Variants in MGAT5 observed in about 807,000 individuals in gnomAD.
MGAT5 encodes alpha-1,6-mannosylglycoprotein 6-beta-N-acetylglucosaminyltransferase, also known as alpha-1,6-mannosylglycoprotein 6-beta-N-acetylglucosaminyltransferase A.
MGAT5 carries 30 observed loss-of-function variants against 94.3 expected under a neutral mutation model. The ratio of observed to expected loss-of-function variants is 0.32; its 90% confidence interval spans 0.24 to 0.43. MGAT5 has a LOEUF of 0.43. Ranked by LOEUF, MGAT5 falls within the 20% of genes least tolerant of loss-of-function variation. The pLI, the probability that MGAT5 is intolerant of heterozygous loss-of-function variation, is 1.00. For missense variants in MGAT5, 691 were observed against 905.5 expected, an observed-to-expected ratio of 0.76 and a Z score of 3.04; for synonymous variants, 310 against 322.9, an observed-to-expected ratio of 0.96 and a Z score of 0.43.
At chr2:134,283,906 A>C (rs912794476) in intron 2 of MGAT5, among the ~76,000 whole-genome samples, 1 of 151,970 alleles carries the variant, frequency 6.6e-6, no homozygotes, top group African/African-American at 2.4e-5. Context: ...GCTAGCAATT[A>C]GAGTTGAGAA....
At chr2:134,387,538 G>A (rs1682108316) in intron 10 of MGAT5, among the ~76,000 whole-genome samples, 2 of 151,420 alleles carry the variant, frequency 1.3e-5, no homozygotes, top group African/African-American at 4.9e-5. Context: ...AGGATTAGCT[G>A]GAATGAGGCA....
chr2:134,361,499 A>G lies in MGAT5; in HGVS notation c.1247-776A>G, dbSNP rs191766678. ...TGAAATGCCTTTTAAAATTATAGGC[A>G]CAAGATGCGGATGTTTGGAGAGGGT... is the stretch of plus-strand genomic sequence containing the variant. On this transcript the variant is annotated intron_variant, in intron 9 of 15. Transcript: ENST00000281923. Among the ~76,000 whole-genome samples the G allele has an allele frequency of 4.7e-3, 715 of 152,326 alleles. 6 individuals carry two copies. The highest frequency in any genetic ancestry group is 0.016 in the African/African-American group (651 of 41,572).
intron 1 of MGAT5, among the ~76,000 whole-genome samples, chr2:134,245,994 A>C (rs1682236640): frequency 6.6e-6 from 1 of 152,138 alleles, no homozygotes; most frequent in Admixed American, 6.5e-5. Flanking sequence ...ATCACTTCAA[A>C]TGTAAGAGGG....
intron 9 of MGAT5, among the ~76,000 whole-genome samples, chr2:134,352,824 T>C (rs368050974): frequency 5.7e-4 from 87 of 152,212 alleles, no homozygotes; most frequent in African/African-American, 2.0e-3. Flanking sequence ...TCCACACAAG[T>C]GGATAAAGAA....
rs757046400 is a variant in MGAT5 at position 134,254,619 on chromosome 2, A to G, written c.216A>G (p.Pro72=). 6.2e-6 allele frequency: 10 copies of G among 1,614,102 alleles called. No individual in the cohort carries two copies. The African/African-American group carries it at 8.0e-5, about 13-fold the overall frequency. ...AAAACAGGAATGTGGTGGATGGGCCATACGCTGGAGTCATGACAGCTTATG... is the reference window on the plus strand; with the variant it reads ...AAAACAGGAATGTGGTGGATGGGCCGTACGCTGGAGTCATGACAGCTTATG... ...AEENRNVVDG[P]YAGVMTAYDL... Residue 72 remains proline, a synonymous_variant, in exon 1 of 16, where the codon CCA becomes CCG. Coordinates refer to ENST00000281923, the MANE Select transcript of MGAT5 (RefSeq NM_002410.5).
chr2:134,433,181 G>A (rs7572693), intron 14 of MGAT5, among the ~76,000 whole-genome samples: 30,017 of 152,166 alleles, frequency 0.2, 4,193 homozygotes, highest in East Asian at 0.39. Flanking sequence ...CACTTAGCAT[G>A]ATGTTTTGGG....
At chr2:134,342,677 G>A (rs1688701513) in intron 7 of MGAT5, among the ~76,000 whole-genome samples, 1 of 147,942 alleles carries the variant, frequency 6.8e-6, no homozygotes, top group Non-Finnish European at 1.5e-5. Context: ...CCGAGATCAT[G>A]CCACTGCACT....
chr2:134,197,196 A>G (rs547822500), intron 1 of MGAT5, among the ~76,000 whole-genome samples: 3 of 152,168 alleles, frequency 2.0e-5, no homozygotes, highest in African/African-American at 7.2e-5. Flanking sequence ...GCCCCAATAT[A>G]CTTCAGTCAA....
At chr2:134,275,166 A>T (rs1684283236) in intron 2 of MGAT5, among the ~76,000 whole-genome samples, 2 of 152,226 alleles carry the variant, frequency 1.3e-5, no homozygotes, top group South Asian at 4.1e-4. Context: ...CCAGGGTCAG[A>T]TACTGGTATG....
intron 1 of MGAT5, among the ~76,000 whole-genome samples, chr2:134,230,105 G>A (rs981025125): frequency 3.3e-4 from 50 of 152,166 alleles, no homozygotes; most frequent in African/African-American, 1.1e-3. Flanking sequence ...GTTTCATGGC[G>A]GATAATTTTT....
intron 15 of MGAT5, 39 bp from the exon 16 acceptor site, chr2:134,448,610 C>T: frequency 1.3e-6 from 2 of 1,597,066 alleles, no homozygotes; most frequent in Non-Finnish European, 1.7e-6. Flanking sequence ...GGCTCTGTCC[C>T]TTCATCACCA....
At chr2:134,183,439 G>A (rs1392678894) in intron 1 of MGAT5, among the ~76,000 whole-genome samples, 1 of 152,238 alleles carries the variant, frequency 6.6e-6, no homozygotes. Flanking sequence ...TGACCAGTGA[G>A]CTGGGTACAC....
At chr2:134,423,054 G>T (rs755564409) in intron 13 of MGAT5, 135 bp downstream of exon 13, 89 of 635,086 alleles carry the variant, frequency 1.4e-4, no homozygotes, top group Non-Finnish European at 2.3e-4. Flanking sequence ...AAATAACCAA[G>T]CTGCAGGATT....
At chr2:134,197,813 C>T (rs559211880) in intron 1 of MGAT5, among the ~76,000 whole-genome samples, 35 of 152,140 alleles carry the variant, frequency 2.3e-4, no homozygotes, top group Admixed American at 2.2e-3. Flanking sequence ...CCTGCCACCC[C>T]CAGTGTTGCT....
In MGAT5 at chr2:134,412,854, T is replaced by G. The variant is rs573996117; in HGVS notation, c.1531-15T>G. 1 of 1,613,804 alleles carries G rather than the reference T, an allele frequency of 6.2e-7. No individual in the cohort carries two copies. The highest frequency in any genetic ancestry group is 1.3e-5 in the African/African-American group (1 of 74,958). On this transcript the variant is annotated splice_polypyrimidine_tract_variant and intron_variant, in intron 11 of 15. Transcript: ENST00000281923. ...CCTGATGTGTTCATACGCTGTGTGG[T>G]TTTCTGTCTTACAGTTGTTTGTTGG...
At chr2:134,189,195 T>C (rs962105962) in intron 1 of MGAT5, among the ~76,000 whole-genome samples, 2 of 152,192 alleles carry the variant, frequency 1.3e-5, no homozygotes, top group African/African-American at 4.8e-5. Context: ...AGTCCCCTCC[T>C]TTCCCCTCTC....
intron 1 of MGAT5, among the ~76,000 whole-genome samples, chr2:134,193,342 C>G (rs552913292): frequency 1.1e-4 from 16 of 152,234 alleles, no homozygotes; most frequent in African/African-American, 3.6e-4. Flanking sequence ...ATCTTAAACT[C>G]TTGGACTCAA....
intron 15 of MGAT5, 54 bp from the exon 16 acceptor site, chr2:134,448,595 G>T: frequency 6.5e-7 from 1 of 1,549,516 alleles, no homozygotes; most frequent in Non-Finnish European, 8.9e-7. Context: ...CCAGTGACGA[G>T]GAAAGGCTCT....
intron 10 of MGAT5, among the ~76,000 whole-genome samples, chr2:134,386,583 G>A (rs1681995242): frequency 6.6e-6 from 1 of 152,208 alleles, no homozygotes; most frequent in South Asian, 2.1e-4. Context: ...GATGGCTGCT[G>A]AAGCTCTAGC....
Sources: allele counts gnomAD v4.1 joint callset (sites outside exome capture counted in the v4.1 genomes callset), GRCh38; gene constraint gnomAD v4.1.1; transcripts MANE v1.5; gene names NCBI Gene and HGNC (gene_info 2026-07-23, HGNC 2026-07-21).